Variants in VPS13A observed in about 807,000 individuals in gnomAD.
VPS13A encodes the protein intermembrane lipid transfer protein VPS13A.
In VPS13A, 264 loss-of-function variants were observed where a neutral mutation model predicts 390.9. That is an observed-to-expected ratio of 0.68 (90% CI 0.61 to 0.75). The LOEUF is 0.75. VPS13A is among the 30% of genes least tolerant of loss of function. VPS13A has a pLI of 0.00. For synonymous variants in VPS13A, 1,231 were observed against 1,227.1 expected (o/e 1.00, Z -0.07); for missense variants, 3,409 against 3,733.9 (o/e 0.91, Z 2.27).
At chr9:77,227,691 GTTTTTTTTTTGTT>G (rs1490868291) in intron 16 of VPS13A, among the ~76,000 whole-genome samples, 5 of 143,260 alleles carry the variant, frequency 3.5e-5, no homozygotes, top group Middle Eastern at 3.5e-3. Flanking sequence ...AATTTTTGTG[GTTTTTTTTTTGTT>G]TTTTTTTTTT....
chr9:77,349,577 C>A (rs904664662), intron 52 of VPS13A, among the ~76,000 whole-genome samples: 2 of 152,070 alleles, frequency 1.3e-5, no homozygotes, highest in Non-Finnish European at 2.9e-5. Context: ...TAAATAAATA[C>A]TTAATTGTTC....
chr9:77,390,773 G>A (rs549644381), intron 68 of VPS13A, among the ~76,000 whole-genome samples: 2 of 151,448 alleles, frequency 1.3e-5, no homozygotes, highest in African/African-American at 4.8e-5. Flanking sequence ...TGAACTCCTA[G>A]GCTCAAGTGA....
chr9:77,196,019 A>T (rs982519440), intron 1 of VPS13A, among the ~76,000 whole-genome samples: 1 of 151,538 alleles, frequency 6.6e-6, no homozygotes, highest in African/African-American at 2.4e-5. Context: ...TCATCTCGAT[A>T]TTTTCTAATT....
At chr9:77,392,582 G>A (rs954708295) in intron 68 of VPS13A, among the ~76,000 whole-genome samples, 1 of 151,962 alleles carries the variant, frequency 6.6e-6, no homozygotes, top group Non-Finnish European at 1.5e-5. Context: ...GATACTGCAC[G>A]TTCAGTTCCA....
At chr9:77,303,998 C>T (rs1168773418) in intron 34 of VPS13A, among the ~76,000 whole-genome samples, 4 of 152,078 alleles carry the variant, frequency 2.6e-5, no homozygotes, top group African/African-American at 9.7e-5. Flanking sequence ...CAGCACAGAC[C>T]CTTTACGAGT....
chr9:77,250,351 A>G (rs924503475), intron 21 of VPS13A, 122 bp downstream of exon 21: 7 of 1,217,880 alleles, frequency 5.7e-6, no homozygotes, highest in Non-Finnish European at 8.2e-6. Flanking sequence ...ATTAGAAATG[A>G]TAGTAAATAT....
At chr9:77,399,197 AAAAAAAAAC>A (rs1563990909) in intron 68 of VPS13A, among the ~76,000 whole-genome samples, 135 of 114,124 alleles carry the variant, frequency 1.2e-3, no homozygotes, top group Middle Eastern at 4.2e-3. Flanking sequence ...AAAAAAAAAA[AAAAAAAAAC>A]AAAGGATACG....
chr9:77,290,390 A>G (rs78182681), intron 31 of VPS13A, among the ~76,000 whole-genome samples: 6,238 of 152,018 alleles, frequency 0.041, 210 homozygotes, highest in African/African-American at 0.092. Context: ...TTGTGTTTTG[A>G]TATTTGTCCT....
chr9:77,412,556 A>T (rs1834987839), intron 71 of VPS13A, among the ~76,000 whole-genome samples: 1 of 152,218 alleles, frequency 6.6e-6, no homozygotes, highest in Non-Finnish European at 1.5e-5. Flanking sequence ...CCTTCATCCT[A>T]AAAACTCTCA....
intron 20 of VPS13A, among the ~76,000 whole-genome samples, chr9:77,248,285 G>A (rs1307812094): frequency 1.3e-5 from 2 of 149,510 alleles, no homozygotes; most frequent in East Asian, 2.0e-4. Flanking sequence ...GCACGATCTC[G>A]GCTCACTGCA....
At chr9:77,399,652 A>C (rs536731884) in intron 68 of VPS13A, among the ~76,000 whole-genome samples, 1 of 152,354 alleles carries the variant, frequency 6.6e-6, no homozygotes, top group South Asian at 2.1e-4. Context: ...AAAGAAAATG[A>C]ATCTTTGAAA....
chr9:77,347,635 C>T (rs1365049652), intron 52 of VPS13A, among the ~76,000 whole-genome samples: 1 of 152,100 alleles, frequency 6.6e-6, no homozygotes, highest in African/African-American at 2.4e-5. Flanking sequence ...TGCCACCATG[C>T]CTAACTACAT....
chr9:77,296,875 A>G (rs141183366), intron 33 of VPS13A, among the ~76,000 whole-genome samples: 310 of 152,140 alleles, frequency 2.0e-3, no homozygotes, highest in Middle Eastern at 3.4e-3. Flanking sequence ...TTCTTGAGCG[A>G]TCCTCCCTAA....
In VPS13A at chr9:77,384,659, T is replaced by C; in HGVS notation, c.9189+2572T>C. ...ATGATGATGATGATGATGATGATGATGATGAGTCAGATCTAAACCATTAAA... is the reference window on the plus strand; with the variant it reads ...ATGATGATGATGATGATGATGATGACGATGAGTCAGATCTAAACCATTAAA... On this transcript the variant is annotated intron_variant, in intron 68 of 71. Coordinates refer to ENST00000360280, the MANE Select transcript of VPS13A (RefSeq NM_033305.3). 6.2e-7 allele frequency: 1 copy of C among 1,604,156 alleles called. No homozygotes were observed. Among genetic ancestry groups the C allele is most frequent in the Non-Finnish European group, 8.5e-7 (1 of 1,177,038 alleles).
intron 34 of VPS13A, among the ~76,000 whole-genome samples, chr9:77,306,196 A>C (rs1828730663): frequency 6.6e-6 from 1 of 152,228 alleles, no homozygotes; most frequent in Admixed American, 6.5e-5. Context: ...ACACTAAATT[A>C]GTGTGTCATC....
chr9:77,209,571 T>C (rs1398626120), intron 6 of VPS13A, 39 bp downstream of exon 6: 1 of 1,290,180 alleles, frequency 7.8e-7, no homozygotes, highest in Non-Finnish European at 1.1e-6. Flanking sequence ...TTTATATTTA[T>C]ATGTAAGTTA....
At position 77,360,584 on chromosome 9, in the gene VPS13A, G is replaced by T; in HGVS notation, c.8154G>T (p.Gly2718=). The change falls in exon 59 of 72, where the codon GGG becomes GGT. Residue 2718 remains glycine, a synonymous_variant. Coordinates refer to ENST00000360280, the MANE Select transcript of VPS13A (RefSeq NM_033305.3). Reference sequence around the variant, plus strand: ...AAATGGATCTCAGGTTAGATCTTGGGTTTATCTATGCTTTAACAGACCTTA... The same window carrying T: ...AAATGGATCTCAGGTTAGATCTTGGTTTTATCTATGCTTTAACAGACCTTA... ...IQEMDLRLDL[G]FIYALTDLMT... 1 of 1,613,066 alleles carries T rather than the reference G, an allele frequency of 6.2e-7. No individual in the cohort carries two copies. Among genetic ancestry groups the T allele is most frequent in the Non-Finnish European group, 8.5e-7 (1 of 1,179,416 alleles).
intron 68 of VPS13A, among the ~76,000 whole-genome samples, chr9:77,393,126 C>A (rs1410809564): frequency 1.3e-5 from 2 of 152,200 alleles, no homozygotes; most frequent in African/African-American, 4.8e-5. Context: ...CCTTTGTTGT[C>A]ATTTAAACAA....
intron 23 of VPS13A, among the ~76,000 whole-genome samples, chr9:77,260,589 T>G (rs561900828): frequency 6.6e-6 from 1 of 152,066 alleles, no homozygotes; most frequent in South Asian, 2.1e-4. Context: ...TCTCCTGGTC[T>G]TGTGATCTGC....
Sources: allele counts gnomAD v4.1 joint callset (sites outside exome capture counted in the v4.1 genomes callset), GRCh38; gene constraint gnomAD v4.1.1; transcripts MANE v1.5; gene names NCBI Gene and HGNC (gene_info 2026-07-23, HGNC 2026-07-21).